Variants in MAP4K5 observed in about 807,000 individuals in gnomAD.
MAP4K5 encodes the protein mitogen-activated protein kinase kinase kinase kinase 5, also known as MAPK/ERK kinase kinase kinase 5.
MAP4K5 carries 82 observed loss-of-function variants against 135.6 expected under a neutral mutation model. The observed-to-expected ratio is 0.60, with a 90% confidence interval of 0.51 to 0.73. The LOEUF is 0.73. MAP4K5 is among the 30% of genes least tolerant of loss of function. MAP4K5 has a pLI of 0.00. For synonymous variants in MAP4K5, 347 were observed against 335.0 expected (o/e 1.04, Z -0.39); for missense variants, 907 against 1,010.9 (o/e 0.90, Z 1.39).
intron 2 of MAP4K5, among the ~76,000 whole-genome samples, chr14:50,514,392 T>C (rs1275576457): frequency 1.3e-5 from 2 of 152,202 alleles, no homozygotes; most frequent in Non-Finnish European, 2.9e-5. Flanking sequence ...TGAAACACTG[T>C]TTTTAACTGG....
intron 18 of MAP4K5, 72 bp downstream of exon 18, chr14:50,444,969 C>T (rs2036309574): frequency 6.8e-7 from 1 of 1,464,504 alleles, no homozygotes; most frequent in Non-Finnish European, 9.2e-7. Context: ...TCAGTTTTCA[C>T]TTTGATTTAT....
chr14:50,478,252 A>T (rs2037149939), intron 6 of MAP4K5, among the ~76,000 whole-genome samples: 1 of 147,100 alleles, frequency 6.8e-6, no homozygotes, highest in Admixed American at 7.0e-5. Context: ...ATATCCCATC[A>T]TTCATTTCTG....
intron 2 of MAP4K5, among the ~76,000 whole-genome samples, chr14:50,509,099 G>A (rs144145853): frequency 3.0e-3 from 457 of 152,116 alleles, no homozygotes; most frequent in African/African-American, 0.011. Flanking sequence ...AGATGAAGCT[G>A]GAAACCATCA....
intron 10 of MAP4K5, among the ~76,000 whole-genome samples, chr14:50,467,561 A>C (rs1404872704): frequency 6.6e-6 from 1 of 152,024 alleles, no homozygotes; most frequent in African/African-American, 2.4e-5. Context: ...TTAACTGTTA[A>C]ATAATTGGCT....
At chr14:50,426,792 T>A (rs2035857747) in intron 30 of MAP4K5, among the ~76,000 whole-genome samples, 1 of 152,274 alleles carries the variant, frequency 6.6e-6, no homozygotes, top group South Asian at 2.1e-4. Context: ...TAACCACACA[T>A]TGAATATTTA....
intron 11 of MAP4K5, among the ~76,000 whole-genome samples, chr14:50,465,144 C>T (rs2036803203): frequency 1.3e-5 from 2 of 152,214 alleles, no homozygotes; most frequent in South Asian, 2.1e-4. Context: ...CCCAGAATGG[C>T]TTGAGTCCTA....
chr14:50,523,083 G>A (rs1156342448), intron 2 of MAP4K5, among the ~76,000 whole-genome samples: 3 of 152,078 alleles, frequency 2.0e-5, no homozygotes, highest in South Asian at 4.2e-4. Context: ...AGGCTGAGGC[G>A]GGTGGATCAC....
At chr14:50,430,632 T>G (rs1172735918) in intron 28 of MAP4K5, among the ~76,000 whole-genome samples, 1 of 152,148 alleles carries the variant, frequency 6.6e-6, no homozygotes, top group South Asian at 2.1e-4. Context: ...TAAAAACAAT[T>G]GTATAGAGCA....
intron 2 of MAP4K5, among the ~76,000 whole-genome samples, chr14:50,529,180 C>T (rs1045343925): frequency 1.1e-4 from 17 of 151,792 alleles, no homozygotes; most frequent in East Asian, 1.9e-4. Flanking sequence ...CTCAGGAGTT[C>T]GAGACCAGAC....
chr14:50,444,409 C>T (rs559014514), intron 18 of MAP4K5, among the ~76,000 whole-genome samples: 1 of 152,230 alleles, frequency 6.6e-6, no homozygotes, highest in East Asian at 1.9e-4. Context: ...TTCCCAGCTT[C>T]AGTGCATTTC....
At chr14:50,533,513 A>T (rs1452234753), upstream of MAP4K5, 2 of 152,164 alleles carry the variant, frequency 1.3e-5, no homozygotes, top group Non-Finnish European at 2.9e-5. Flanking sequence ...AATTTGGCTG[A>T]TATTTCACAA....
intron 1 of MAP4K5, among the ~76,000 whole-genome samples, chr14:50,550,070 G>T (rs1041840234): frequency 6.6e-6 from 1 of 152,190 alleles, no homozygotes; most frequent in Admixed American, 6.5e-5. Flanking sequence ...GTGAATGAAG[G>T]CTGCTGGAGG....
chr14:50,548,544 C>T (rs955551579), intron 1 of MAP4K5, among the ~76,000 whole-genome samples: 1 of 152,132 alleles, frequency 6.6e-6, no homozygotes, highest in Non-Finnish European at 1.5e-5. Flanking sequence ...GAGTCTTGCT[C>T]TGTCACCCAG....
intron 3 of MAP4K5, among the ~76,000 whole-genome samples, chr14:50,491,748 C>T (rs2037488951): frequency 1.3e-5 from 2 of 150,774 alleles, no homozygotes; most frequent in African/African-American, 2.4e-5. Context: ...TACAGTGGCA[C>T]GATCTTGGCT....
At chr14:50,558,618 TG>T (rs2038794010) in intron 1 of MAP4K5, among the ~76,000 whole-genome samples, 1 of 152,220 alleles carries the variant, frequency 6.6e-6, no homozygotes, top group Non-Finnish European at 1.5e-5. Context: ...CTTTTTCAAT[TG>T]GGCATAGGTG....
chr14:50,447,961 G>T (rs927800936), intron 15 of MAP4K5, among the ~76,000 whole-genome samples: 1 of 152,106 alleles, frequency 6.6e-6, no homozygotes, highest in African/African-American at 2.4e-5. Flanking sequence ...AATAGGCTAG[G>T]TTAGGCTAAC....
intron 5 of MAP4K5, 32 bp downstream of exon 5, chr14:50,485,546 C>T: frequency 7.3e-7 from 1 of 1,363,072 alleles, no homozygotes; most frequent in Non-Finnish European, 1.0e-6. Flanking sequence ...AAACCAAAGT[C>T]TGTTTAAAAT....
chr14:50,541,971 C>T (rs1400603560), intron 2 of MAP4K5, among the ~76,000 whole-genome samples: 1 of 128,200 alleles, frequency 7.8e-6, no homozygotes, highest in South Asian at 2.5e-4. Flanking sequence ...CGCGCCACTG[C>T]ACTCCAGCCT....
intron 6 of MAP4K5, among the ~76,000 whole-genome samples, chr14:50,477,228 T>C (rs2037122288): frequency 6.6e-6 from 1 of 152,230 alleles, no homozygotes; most frequent in Non-Finnish European, 1.5e-5. Context: ...AAGAATGTCA[T>C]ATTCTTTATG....
Sources: gnomAD v4.1 joint callset for allele counts (sites outside exome capture counted in the v4.1 genomes callset) on GRCh38, gnomAD v4.1.1 for gene constraint, MANE v1.5 for transcripts, NCBI Gene and HGNC (gene_info 2026-07-23, HGNC 2026-07-21) for gene names.